NKAIN2: variants seen among roughly 807,000 people sequenced by gnomAD.
NKAIN2 encodes the protein sodium/potassium-transporting ATPase subunit beta-1-interacting protein 2.
In NKAIN2, 14 loss-of-function variants were observed where a neutral mutation model predicts 32.6. That is an observed-to-expected ratio of 0.43 (90% CI 0.28 to 0.67). The LOEUF (loss-of-function observed/expected upper bound fraction) is 0.67. NKAIN2 is among the 30% of genes least tolerant of loss of function. The pLI is 0.17. For synonymous variants in NKAIN2, 80 were observed against 87.2 expected (o/e 0.92, Z 0.46); for missense variants, 198 against 258.3 (o/e 0.77, Z 1.60).
At chr6:124,602,342 A>T (rs779447551) in intron 3 of NKAIN2, among the ~76,000 whole-genome samples, 1 of 151,940 alleles carries the variant, frequency 6.6e-6, no homozygotes, top group Non-Finnish European at 1.5e-5. Flanking sequence ...TGTATTTTGT[A>T]TTTAAAATTT....
intron 4 of NKAIN2, among the ~76,000 whole-genome samples, chr6:124,742,496 GACTGA>G (rs1777261945): frequency 6.6e-6 from 1 of 151,792 alleles, no homozygotes; most frequent in Non-Finnish European, 1.5e-5. Context: ...TCAGGACTCA[GACTGA>G]ATGACATCAC....
At chr6:124,120,384 A>T (rs1785822368) in intron 1 of NKAIN2, among the ~76,000 whole-genome samples, 1 of 152,172 alleles carries the variant, frequency 6.6e-6, no homozygotes, top group Non-Finnish European at 1.5e-5. Context: ...TTATAACATT[A>T]GTGGATAATA....
At chr6:124,242,777 C>A (rs1793173043) in intron 1 of NKAIN2, among the ~76,000 whole-genome samples, 1 of 151,644 alleles carries the variant, frequency 6.6e-6, no homozygotes, top group Non-Finnish European at 1.5e-5. Context: ...TTCCGGCAAA[C>A]TAACACAGGA....
At chr6:123,996,857 T>G (rs943898364) in intron 1 of NKAIN2, among the ~76,000 whole-genome samples, 9 of 152,186 alleles carry the variant, frequency 5.9e-5, no homozygotes, top group African/African-American at 2.2e-4. Flanking sequence ...TCTGCTTAAT[T>G]TGACAGATAA....
chr6:124,216,465 C>G (rs1490974635), intron 1 of NKAIN2, among the ~76,000 whole-genome samples: 2 of 152,214 alleles, frequency 1.3e-5, no homozygotes, highest in Admixed American at 6.5e-5. Context: ...ATACTCAACA[C>G]GCATATGCCC....
At chr6:123,977,245 C>G (rs1348063771) in intron 1 of NKAIN2, among the ~76,000 whole-genome samples, 1 of 152,102 alleles carries the variant, frequency 6.6e-6, no homozygotes, top group Admixed American at 6.6e-5. Flanking sequence ...GTATACTAAG[C>G]TCTCTGTTAG....
intron 4 of NKAIN2, among the ~76,000 whole-genome samples, chr6:124,713,582 G>A (rs1775605740): frequency 6.6e-6 from 1 of 152,112 alleles, no homozygotes; most frequent in South Asian, 2.1e-4. Context: ...TTCATTTTAG[G>A]AAATGAAAAT....
At chr6:124,317,190 T>G (rs1796990311) in intron 2 of NKAIN2, among the ~76,000 whole-genome samples, 1 of 152,024 alleles carries the variant, frequency 6.6e-6, no homozygotes, top group South Asian at 2.1e-4. Flanking sequence ...TCAGGAGTGT[T>G]TCCTACAACT....
chr6:124,062,750 C>G (rs1211004353), intron 1 of NKAIN2, among the ~76,000 whole-genome samples: 1 of 152,178 alleles, frequency 6.6e-6, no homozygotes, highest in Non-Finnish European at 1.5e-5. Context: ...TGACTTTTGA[C>G]TGATAATTCC....
intron 3 of NKAIN2, among the ~76,000 whole-genome samples, chr6:124,517,607 T>A (rs537003867): frequency 7.9e-5 from 12 of 152,108 alleles, no homozygotes; most frequent in Non-Finnish European, 1.0e-4. Context: ...TTCTTTTCAG[T>A]CCTATCCTTT....
chr6:124,493,925 C>G (rs1043033426), intron 3 of NKAIN2, among the ~76,000 whole-genome samples: 1 of 151,946 alleles, frequency 6.6e-6, no homozygotes, highest in African/African-American at 2.4e-5. Flanking sequence ...AGGGAGACTT[C>G]ATCTTTACTT....
rs1780836378 is a variant in NKAIN2 at position 124,810,404 on chromosome 6, A to G, written c.536-7983A>G. ...AAGAACAAAAAACCAAACACCGCAT[A>G]TTCTCATTCGTAGGTGGGAATTGAA... On this transcript the variant is annotated intron_variant, in intron 5 of 6. Transcript: ENST00000368417. Among the ~76,000 whole-genome samples the G allele has an allele frequency of 2.6e-5, 4 of 152,020 alleles. No homozygotes were observed. The South Asian group carries it at 8.3e-4, about 31-fold the overall frequency.
At chr6:124,428,777 A>C (rs1295408584) in intron 3 of NKAIN2, among the ~76,000 whole-genome samples, 1 of 152,102 alleles carries the variant, frequency 6.6e-6, no homozygotes, top group Non-Finnish European at 1.5e-5. Flanking sequence ...GATATTACCA[A>C]ATTAATTTGA....
chr6:124,565,570 TC>T (rs1166072344), intron 3 of NKAIN2, among the ~76,000 whole-genome samples: 2 of 152,182 alleles, frequency 1.3e-5, no homozygotes, highest in Non-Finnish European at 1.5e-5. Flanking sequence ...GGATTCACTT[TC>T]CCCCTGATTC....
intron 3 of NKAIN2, among the ~76,000 whole-genome samples, chr6:124,385,612 G>A (rs1772863811): frequency 6.6e-6 from 1 of 152,056 alleles, no homozygotes; most frequent in Non-Finnish European, 1.5e-5. Flanking sequence ...TTCAGTCTGG[G>A]TCTTCACTTG....
intron 3 of NKAIN2, among the ~76,000 whole-genome samples, chr6:124,610,850 T>C (rs983470032): frequency 1.3e-5 from 2 of 152,146 alleles, no homozygotes; most frequent in Non-Finnish European, 2.9e-5. Context: ...TTTAAAGAAA[T>C]GTACTTGACC....
chr6:124,613,463 T>C (rs78976674), intron 3 of NKAIN2, among the ~76,000 whole-genome samples: 1,732 of 152,334 alleles, frequency 0.011, 26 homozygotes, highest in African/African-American at 0.039. Flanking sequence ...GATTATGATT[T>C]GGCTTCCCAT....
At chr6:123,936,304 T>G (rs1331400015) in intron 1 of NKAIN2, among the ~76,000 whole-genome samples, 1 of 152,136 alleles carries the variant, frequency 6.6e-6, no homozygotes, top group Non-Finnish European at 1.5e-5. Context: ...GGACCCTAGA[T>G]GGGTTTGATA....
At chr6:124,725,433 T>C (rs981463145) in intron 4 of NKAIN2, among the ~76,000 whole-genome samples, 3 of 152,156 alleles carry the variant, frequency 2.0e-5, no homozygotes, top group African/African-American at 7.2e-5. Flanking sequence ...CTTTGAGTTA[T>C]TTGGGCCTCA....
Sources: allele counts gnomAD v4.1 joint callset (sites outside exome capture counted in the v4.1 genomes callset), GRCh38; gene constraint gnomAD v4.1.1; transcripts MANE v1.5; gene names NCBI Gene and HGNC (gene_info 2026-07-23, HGNC 2026-07-21).